RHBDD2: variants seen among roughly 807,000 people sequenced by gnomAD.
The protein encoded by RHBDD2 is rhomboid domain containing 2.
Under a neutral mutation model 21.7 loss-of-function variants are expected in RHBDD2, and 13 were observed. The ratio of observed to expected loss-of-function variants is 0.60; its 90% confidence interval spans 0.39 to 0.95. The LOEUF (loss-of-function observed/expected upper bound fraction) is 0.95. Ranked by LOEUF, RHBDD2 falls within the 40% of genes least tolerant of loss-of-function variation. The pLI is 0.00. For missense variants in RHBDD2, 473 were observed against 478.9 expected, an observed-to-expected ratio of 0.99 and a Z score of 0.11; for synonymous variants, 225 against 220.0, an observed-to-expected ratio of 1.02 and a Z score of -0.20.
At chr7:75,884,719 G>A (rs1330918673) in intron 3 of RHBDD2, among the ~76,000 whole-genome samples, 1 of 152,206 alleles carries the variant, frequency 6.6e-6, no homozygotes, top group Non-Finnish European at 1.5e-5. Context: ...GTGATCCTGA[G>A]TGACTTGTAG....
intron 3 of RHBDD2, among the ~76,000 whole-genome samples, chr7:75,887,320 A>C (rs1266775012): frequency 6.7e-6 from 1 of 148,504 alleles, no homozygotes; most frequent in East Asian, 2.0e-4. Context: ...AAAAAAAAAA[A>C]ACAATTTTTT....
intron 1 of RHBDD2, among the ~76,000 whole-genome samples, 155 bp downstream of exon 1, chr7:75,879,415 A>G (rs879953478): frequency 1.3e-5 from 2 of 151,184 alleles, no homozygotes; most frequent in Non-Finnish European, 2.9e-5. Flanking sequence ...CGGAGGACCG[A>G]CCTCCAGCAC....
At chr7:75,887,630 C>T (rs973123217) in intron 3 of RHBDD2, among the ~76,000 whole-genome samples, 5 of 152,040 alleles carry the variant, frequency 3.3e-5, no homozygotes, top group East Asian at 1.9e-4. Flanking sequence ...AGCCTGAATC[C>T]GTTCTCTTTG....
In RHBDD2 at chr7:75,883,709, T is replaced by C; in HGVS notation, c.598T>C (p.Tyr200His). 1 of 1,613,390 alleles carries C rather than the reference T, an allele frequency of 6.2e-7. No individual in the cohort carries two copies. Among genetic ancestry groups the C allele is most frequent in the Non-Finnish European group, 8.5e-7 (1 of 1,179,692 alleles). ...LSIGLAYGLT[Y>H]CYSIDLSERV... ...CACGCCAACCTCAGATGGCCTCACC[T>C]ACTGCTATTCCATCGACCTCTCAGA... is the stretch of plus-strand genomic sequence containing the variant. Residue 200 changes from tyrosine (Y) to histidine (H), a missense_variant, in exon 3 of 4, where the codon TAC becomes CAC. Tyr to His is a moderately conservative substitution (Grantham distance 83). Coordinates refer to ENST00000006777, the MANE Select transcript of RHBDD2 (RefSeq NM_001040456.3).
At chr7:75,887,317 A>C (rs1440814395) in intron 3 of RHBDD2, among the ~76,000 whole-genome samples, 5 of 150,006 alleles carry the variant, frequency 3.3e-5, no homozygotes, top group South Asian at 2.1e-4. Context: ...AAAAAAAAAA[A>C]AAAACAATTT....
Position 75,879,070 on chromosome 7 carries a change from A to C in RHBDD2, c.-13A>C, listed in dbSNP as rs1469467284. On this transcript the variant is annotated 5_prime_UTR_variant, in exon 1 of 4. Coordinates refer to ENST00000006777, the MANE Select transcript of RHBDD2 (RefSeq NM_001040456.3). ...AGCCGGCGTCGAGGCGGGGCGCGGG[A>C]ACGACGGCGGCCATGGCGGCCTCGG... 1.5e-6 allele frequency: 2 copies of C among 1,364,618 alleles called. No homozygotes were observed. Among genetic ancestry groups the C allele is most frequent in the African/African-American group, 3.1e-5 (2 of 65,230 alleles). The allele number at this position is 1,364,618 out of a possible 1,614,324, so 84.5% of individuals were successfully genotyped here.
In RHBDD2 at chr7:75,888,389, G is replaced by A; in HGVS notation, c.*40G>A. ...AAGTCATCTCACTTGGCCTTCTGAA[G>A]GTCCTCCCTAAGAGTCTCCTGACAA... On this transcript the variant is annotated 3_prime_UTR_variant, in exon 4 of 4. Coordinates refer to ENST00000006777, the MANE Select transcript of RHBDD2 (RefSeq NM_001040456.3). 2 of 1,525,082 alleles carry A rather than the reference G, an allele frequency of 1.3e-6. No homozygotes were observed. Among genetic ancestry groups the A allele is most frequent in the East Asian group, 4.5e-5 (2 of 44,220 alleles). 94.5% of individuals were successfully genotyped at this position (1,525,082 alleles called of 1,614,324 possible). A position where few individuals can be genotyped will look rare whatever the true frequency, so the allele number is the denominator to read the frequency against.
chr7:75,881,339 G>T, intron 1 of RHBDD2: 1 of 1,289,450 alleles, frequency 7.8e-7, no homozygotes, highest in Non-Finnish European at 1.0e-6. Context: ...AATAATTCAT[G>T]GTCCCTTTTT....
At chr7:75,886,873 A>C (rs1805708146) in intron 3 of RHBDD2, among the ~76,000 whole-genome samples, 1 of 151,726 alleles carries the variant, frequency 6.6e-6, no homozygotes, top group African/African-American at 2.4e-5. Flanking sequence ...AGACACTGCC[A>C]CACCCAGTGC....
chr7:75,881,012 C>A (rs1805292397), intron 1 of RHBDD2, among the ~76,000 whole-genome samples: 1 of 152,012 alleles, frequency 6.6e-6, no homozygotes, highest in African/African-American at 2.4e-5. Flanking sequence ...CAGGTGTGAG[C>A]CACCATGCCT....
In RHBDD2 at chr7:75,888,038, C is replaced by G; in HGVS notation, c.784C>G (p.His262Asp). The G allele has an allele frequency of 6.2e-7, 1 of 1,613,664 alleles. No homozygotes were observed. Among genetic ancestry groups the G allele is most frequent in the Non-Finnish European group, 8.5e-7 (1 of 1,180,026 alleles). Reference protein sequence around the residue: ...GSYPTQSCHPHLSPSHPVSQT... With the variant: ...GSYPTQSCHPDLSPSHPVSQT... Reference sequence around the variant, plus strand: ...CTACCCCACACAGAGCTGCCACCCTCACCTGTCCCCAAGCCACCCTGTGTC... The same window carrying G: ...CTACCCCACACAGAGCTGCCACCCTGACCTGTCCCCAAGCCACCCTGTGTC... Residue 262 changes from histidine (H) to aspartate (D), a missense_variant, in exon 4 of 4, where the codon CAC (histidine) becomes GAC (aspartate). Transcript: ENST00000006777.
At chr7:75,884,203 A>G (rs1284933988) in intron 3 of RHBDD2, among the ~76,000 whole-genome samples, 1 of 152,010 alleles carries the variant, frequency 6.6e-6, no homozygotes, top group East Asian at 1.9e-4. Flanking sequence ...AAATGCTGTC[A>G]AATCTTATTC....
Position 75,888,284 on chromosome 7 carries a change from T to G in RHBDD2, c.1030T>G (p.Ser344Ala). ...TPVNSPGTVY[S>A]GALGTPGAAG... is the part of the protein sequence containing the mutation. ...TGTGAACAGCCCTGGCACGGTGTAT[T>G]CTGGGGCCTTGGGCACACCAGGGGC... The change falls in exon 4 of 4, where the codon TCT (serine) becomes GCT (alanine). Residue 344 changes from serine to alanine, a missense_variant. Transcript: ENST00000006777. 6.2e-7 allele frequency: 1 copy of G among 1,613,398 alleles called. No individual in the cohort carries two copies. The highest frequency in any genetic ancestry group is 8.5e-7 in the Non-Finnish European group (1 of 1,179,986).
intron 1 of RHBDD2, 72 bp downstream of exon 1, chr7:75,879,332 C>A: frequency 7.5e-7 from 1 of 1,334,142 alleles, no homozygotes; most frequent in Non-Finnish European, 9.8e-7. Flanking sequence ...GGGCTCTAGC[C>A]TCCGGGACTC....
At chr7:75,880,817 C>A (rs540098777) in intron 1 of RHBDD2, among the ~76,000 whole-genome samples, 3 of 152,240 alleles carry the variant, frequency 2.0e-5, no homozygotes, top group East Asian at 1.9e-4. Flanking sequence ...CGTTCAACTC[C>A]TGGAATCAAG....
At chr7:75,881,248 C>T (rs1805307021) in intron 1 of RHBDD2, 3 of 853,064 alleles carry the variant, frequency 3.5e-6, no homozygotes, top group East Asian at 6.2e-5. Flanking sequence ...CCTGTGAGAT[C>T]GGATAAGCAC....
Position 75,882,109 on chromosome 7 carries a change from G to T in RHBDD2, c.459G>T (p.Arg153Ser). ...TCACCACCGTCCGTTCTCGGATGAG[G>T]CGGGCCCTGGTGTTTGGCATGGTTG... ...LGVTTVRSRM[R>S]RALVFGMVVP... Residue 153 changes from arginine (R) to serine (S), a missense_variant, in exon 2 of 4, where the codon AGG becomes AGT. Physicochemically the swap from Arg to Ser is moderately radical, Grantham distance 110 (BLOSUM62 -1). Transcript: ENST00000006777. The T allele has an allele frequency of 1.2e-6, 2 of 1,614,218 alleles. No individual in the cohort carries two copies. Among genetic ancestry groups the T allele is most frequent in the Non-Finnish European group, 1.7e-6 (2 of 1,180,048 alleles).
chr7:75,883,081 C>T (rs1030996123), intron 2 of RHBDD2, among the ~76,000 whole-genome samples: 1 of 152,166 alleles, frequency 6.6e-6, no homozygotes, highest in African/African-American at 2.4e-5. Flanking sequence ...CCTGCTACAC[C>T]AGCAGAGGCA....
intron 1 of RHBDD2, among the ~76,000 whole-genome samples, chr7:75,879,543 C>T (rs1386887249): frequency 6.6e-6 from 1 of 152,206 alleles, no homozygotes; most frequent in Admixed American, 6.5e-5. Context: ...TGGTTAAGGC[C>T]CCAAATCCAT....
Sources: gnomAD v4.1 joint callset for allele counts (sites outside exome capture counted in the v4.1 genomes callset) on GRCh38, gnomAD v4.1.1 for gene constraint, MANE v1.5 for transcripts, NCBI Gene and HGNC (gene_info 2026-07-23, HGNC 2026-07-21) for gene names.